CECR2: variants seen among roughly 807,000 people sequenced by gnomAD.
CECR2 encodes chromatin remodeling regulator CECR2.
In CECR2, 30 loss-of-function variants were observed where a neutral mutation model predicts 154.5. That is an observed-to-expected ratio of 0.19 (90% CI 0.15 to 0.26). The LOEUF is 0.26. Among genes scored for constraint, CECR2 ranks in the 10% least tolerant of loss-of-function variants. The pLI, the probability that CECR2 is intolerant of heterozygous loss-of-function variation, is 1.00. For synonymous variants in CECR2, 725 were observed against 683.7 expected (o/e 1.06, Z -0.94); for missense variants, 1,743 against 1,829.3 (o/e 0.95, Z 0.86).
chr22:17,400,455 A>G (rs776852913), intron 1 of CECR2, among the ~76,000 whole-genome samples: 3 of 152,152 alleles, frequency 2.0e-5, no homozygotes, highest in Non-Finnish European at 4.4e-5. Flanking sequence ...AAGGTTAGAG[A>G]AGCTAGGCAC....
intron 1 of CECR2, chr22:17,418,884 C>G (rs369411793): frequency 5.5e-5 from 9 of 163,960 alleles, no homozygotes; most frequent in African/African-American, 1.9e-4. Context: ...AGGCGCGGGC[C>G]GAAGCCCTGG....
intron 7 of CECR2, among the ~76,000 whole-genome samples, chr22:17,506,545 A>C (rs2055848574): frequency 6.6e-6 from 1 of 152,118 alleles, no homozygotes; most frequent in Non-Finnish European, 1.5e-5. Flanking sequence ...ATGTTTCTTT[A>C]TGCTTATTTT....
intron 2 of CECR2, among the ~76,000 whole-genome samples, chr22:17,482,115 C>CAAA (rs869050391): frequency 1.3e-4 from 10 of 76,324 alleles, no homozygotes; most frequent in South Asian, 4.3e-4. Flanking sequence ...ACTCTGTCTC[C>CAAA]AAAAAAAAAA....
intron 1 of CECR2, among the ~76,000 whole-genome samples, chr22:17,421,985 T>C (rs1326055591): frequency 2.6e-5 from 4 of 152,122 alleles, no homozygotes; most frequent in East Asian, 1.9e-4. Flanking sequence ...GGGTACAGAA[T>C]TCTAGGTTGG....
intron 1 of CECR2, among the ~76,000 whole-genome samples, chr22:17,395,409 A>G (rs1601280944): frequency 6.6e-6 from 1 of 152,024 alleles, no homozygotes; most frequent in Non-Finnish European, 1.5e-5. Flanking sequence ...CAGTGGCACA[A>G]TCTCAGCTCA....
intron 1 of CECR2, chr22:17,418,984 AG>A: frequency 5.2e-6 from 1 of 192,130 alleles, no homozygotes; most frequent in South Asian, 7.8e-5. Context: ...GCCTCGCCTC[AG>A]GGGACACTGC....
chr22:17,539,180 C>G (rs779988871), intron 13 of CECR2, 61 bp downstream of exon 13: 1 of 1,577,720 alleles, frequency 6.3e-7, no homozygotes, highest in Non-Finnish European at 8.6e-7. Flanking sequence ...AATGCCTTCT[C>G]TTTTACAAAT....
rs376041045 is a variant in CECR2 at position 17,361,508 on chromosome 22, C to CA, written c.-364+1495dup. 2.4e-3 allele frequency among the ~76,000 whole-genome samples: 339 copies of CA among 141,632 alleles called. 1 individual carries two copies. Among genetic ancestry groups the CA allele is most frequent in the Middle Eastern group, 3.6e-3 (1 of 278 alleles). The allele number at this position is 141,632 out of a possible 152,430, so 92.9% of individuals were successfully genotyped here. A position where few individuals can be genotyped will look rare whatever the true frequency, so the allele number is the denominator to read the frequency against. On this transcript the variant is annotated intron_variant, in intron 1 of 18. Transcript: ENST00000400585. ...CAAAAAACAAACAACACCCCCCACC[C>CA]AAAAAAAAAACAACCTAGGTTACAT...
chr22:17,460,104 C>T (rs1247930262), intron 1 of CECR2, among the ~76,000 whole-genome samples: 2 of 152,142 alleles, frequency 1.3e-5, no homozygotes, highest in Non-Finnish European at 2.9e-5. Context: ...CTTCCTCTTC[C>T]AGCCCAGAAG....
intron 1 of CECR2, among the ~76,000 whole-genome samples, chr22:17,449,860 A>G (rs891438592): frequency 1.3e-5 from 2 of 152,174 alleles, no homozygotes; most frequent in Non-Finnish European, 2.9e-5. Flanking sequence ...CAATGGTCTG[A>G]TAAGTTTTTC....
chr22:17,368,576 C>A (rs1032569695), upstream of CECR2, among the ~76,000 whole-genome samples: 49 of 152,306 alleles, frequency 3.2e-4, no homozygotes, highest in African/African-American at 1.1e-3. Flanking sequence ...CAACACCCTT[C>A]GGCCGTAGCA....
intron 1 of CECR2, among the ~76,000 whole-genome samples, chr22:17,416,186 C>A (rs913778014): frequency 2.6e-5 from 4 of 152,002 alleles, no homozygotes; most frequent in Non-Finnish European, 4.4e-5. Flanking sequence ...AAAATATGTT[C>A]GCATATATAG....
At chr22:17,503,216 A>G (rs539320890) in intron 6 of CECR2, 85 bp downstream of exon 6, 6 of 1,309,282 alleles carry the variant, frequency 4.6e-6, no homozygotes, top group Non-Finnish European at 6.4e-6. Flanking sequence ...CTAGAGTCAT[A>G]CAAAGTAAAG....
intron 1 of CECR2, among the ~76,000 whole-genome samples, chr22:17,412,271 C>T (rs1465280710): frequency 1.3e-5 from 2 of 152,058 alleles, no homozygotes; most frequent in Admixed American, 1.3e-4. Context: ...GAGTCTGGTT[C>T]GCAAAATACA....
chr22:17,466,730 G>A (rs1006017381), intron 1 of CECR2, among the ~76,000 whole-genome samples: 1 of 151,966 alleles, frequency 6.6e-6, no homozygotes, highest in Non-Finnish European at 1.5e-5. Flanking sequence ...GAGTAGATGG[G>A]ATTACAGGCG....
intron 3 of CECR2, among the ~76,000 whole-genome samples, chr22:17,498,490 A>G (rs184223190): frequency 1.3e-5 from 2 of 152,298 alleles, no homozygotes; most frequent in Admixed American, 1.3e-4. Context: ...CAGTGATTAA[A>G]TGTGGTGATG....
At chr22:17,387,506 C>T (rs867801326) in intron 1 of CECR2, among the ~76,000 whole-genome samples, 1 of 152,098 alleles carries the variant, frequency 6.6e-6, no homozygotes. Context: ...GAGGAATTAA[C>T]GAGAAGGCCC....
chr22:17,461,570 G>C lies in CECR2; in HGVS notation c.127-16018G>C, dbSNP rs556208809. ...AGTTTGATGGCTTTCGTTATCAGTA[G>C]ACCAATTTATCCAGGTAAAAGCAAT... On this transcript the variant is annotated intron_variant, in intron 1 of 18. Coordinates refer to ENST00000262608, the MANE Select transcript of CECR2 (RefSeq NM_001290047.2). Among the ~76,000 whole-genome samples, 59 of 152,236 alleles carry C rather than the reference G, an allele frequency of 3.9e-4. 1 individual carries two copies. Among genetic ancestry groups the C allele is most frequent in the African/African-American group, 1.4e-3 (58 of 41,554 alleles).
intron 1 of CECR2, among the ~76,000 whole-genome samples, chr22:17,430,906 G>A (rs2054411500): frequency 2.0e-5 from 3 of 152,072 alleles, no homozygotes; most frequent in South Asian, 2.1e-4. Flanking sequence ...TTATGCTAAT[G>A]CACATCATTA....
Sources: allele counts gnomAD v4.1 joint callset (sites outside exome capture counted in the v4.1 genomes callset), GRCh38; gene constraint gnomAD v4.1.1; transcripts MANE v1.5; gene names NCBI Gene and HGNC (gene_info 2026-07-23, HGNC 2026-07-21).